The following PTGDS variants were observed in gnomAD, a reference collection of about 807,000 sequenced individuals.
The protein encoded by PTGDS is prostaglandin D2 synthase, also known as prostaglandin-H2 D-isomerase.
PTGDS carries 21 observed loss-of-function variants against 28.4 expected under a neutral mutation model. The ratio of observed to expected loss-of-function variants is 0.74; its 90% CI spans 0.52 to 1.07. The LOEUF is 1.07. Among genes scored for constraint, PTGDS ranks in the 50% least tolerant of loss-of-function variants. PTGDS has a pLI of 0.00. For synonymous variants in PTGDS, 102 were observed against 106.0 expected, an observed-to-expected ratio of 0.96 and a Z score of 0.23; for missense variants, 243 against 247.7, an observed-to-expected ratio of 0.98 and a Z score of 0.13.
chr9:136,978,932 A>G, intron 1 of PTGDS, 61 bp from the exon 2 acceptor site: 1 of 1,583,812 alleles, frequency 6.3e-7, no homozygotes, highest in Non-Finnish European at 8.5e-7. Flanking sequence ...GCGCCCCCGC[A>G]GGTAGGCGCA....
chr9:136,979,861 A>C, intron 3 of PTGDS, 85 bp from the exon 4 acceptor site: 1 of 1,320,014 alleles, frequency 7.6e-7, no homozygotes. Flanking sequence ...AGTGCCCCCA[A>C]AGCCCACAGG....
At chr9:136,978,426 A>G (rs1262439537) in intron 1 of PTGDS, among the ~76,000 whole-genome samples, 6 of 121,122 alleles carry the variant, frequency 5.0e-5, no homozygotes, top group Non-Finnish European at 1.0e-4. Context: ...GGGCGTGGCC[A>G]GCTTCTGGGG....
rs1329052658 is a variant in PTGDS at position 136,979,355 on chromosome 9, GA to G, written c.331+57del. On this transcript the variant is annotated intron_variant, in intron 3 of 6. Transcript: ENST00000371625. The stretch of plus-strand genomic sequence containing the variant: ...CCAGCCTGGGGGCGACACTTGCCGG[GA>G]CGACTCTGGGCCAGCCCCCTGCCGC... 11 of 1,586,408 alleles carry G rather than the reference GA, an allele frequency of 6.9e-6. No homozygotes were observed. In the Admixed American group the frequency reaches 1.9e-4, roughly 28 times the overall value.
rs1400350554 is a variant in PTGDS at position 136,977,689 on chromosome 9, C to T, written c.111C>T (p.Asp37=). Residue 37 remains aspartate (D), a synonymous_variant, in exon 1 of 7, where the codon GAC becomes GAT. Coordinates refer to ENST00000371625, the MANE Select transcript of PTGDS (RefSeq NM_000954.6). ...CCGTGCAGCCCAACTTCCAGCAGGA[C>T]AAGGTGAGGGGCTTTCCTGCGTCAT... The part of the protein sequence containing the change: ...QVSVQPNFQQ[D]KFLGRWFSAG... 2 of 1,594,364 alleles carry T rather than the reference C, an allele frequency of 1.3e-6. No homozygotes were observed. The highest frequency in any genetic ancestry group is 1.7e-4 in the Middle Eastern group (1 of 6,008).
At chr9:136,978,592 T>C (rs1588486384) in intron 1 of PTGDS, among the ~76,000 whole-genome samples, 1 of 66,358 alleles carries the variant, frequency 1.5e-5, no homozygotes, top group Non-Finnish European at 2.9e-5. Flanking sequence ...AGGGGCGGGG[T>C]CAGCTCCTAG....
Position 136,977,631 on chromosome 9 carries a change from G to A in PTGDS, c.53G>A (p.Gly18Asp). The A allele has an allele frequency of 6.2e-7, 1 of 1,609,864 alleles. No homozygotes were observed. Among genetic ancestry groups the A allele is most frequent in the Non-Finnish European group, 8.5e-7 (1 of 1,178,790 alleles). Residue 18 changes from glycine (G) to aspartate (D), a missense_variant, in exon 1 of 7, where the codon GGC becomes GAC. By Grantham distance (94) the Gly-to-Asp change is moderately conservative (BLOSUM62 -1). Transcript: ENST00000371625. ...GGACTGGCCCTGCTGGGGGTGCTGG[G>A]CGACCTGCAGGCAGCACCGGAGGCC... ...WMGLALLGVL[G>D]DLQAAPEAQV...
rs750503509 is a variant in PTGDS at position 136,977,649 on chromosome 9, C to G, written c.71C>G (p.Pro24Arg). 2 of 1,607,628 alleles carry G rather than the reference C, an allele frequency of 1.2e-6. No homozygotes were observed. The highest frequency in any genetic ancestry group is 1.7e-6 in the Non-Finnish European group (2 of 1,178,114). ...GTGCTGGGCGACCTGCAGGCAGCAC[C>G]GGAGGCCCAGGTCTCCGTGCAGCCC... is the stretch of plus-strand genomic sequence containing the variant. Reference protein sequence around the residue: ...LGVLGDLQAAPEAQVSVQPNF... With the variant: ...LGVLGDLQAAREAQVSVQPNF... Residue 24 changes from proline (P) to arginine (R), a missense_variant, in exon 1 of 7, where the codon CCG (proline) becomes CGG (arginine). Transcript: ENST00000371625.
rs2131397882 is a variant in PTGDS, at chr9:136,980,163, C to G, written c.449-20C>G. The G allele has an allele frequency of 1.2e-6, 2 of 1,613,076 alleles. No homozygotes were observed. Among genetic ancestry groups the G allele is most frequent in the Non-Finnish European group, 1.7e-6 (2 of 1,179,588 alleles). On this transcript the variant is annotated intron_variant, in intron 4 of 6. Transcript: ENST00000371625. ...AGCATCCCCCCCGCTGAGGCCAGCT[C>G]CGTCTCCACCCTGTCCCAGGCCGAA...
intron 1 of PTGDS, among the ~76,000 whole-genome samples, chr9:136,977,922 G>A (rs1440549155): frequency 2.0e-5 from 3 of 152,152 alleles, no homozygotes; most frequent in African/African-American, 7.2e-5. Flanking sequence ...GATGGGCCAC[G>A]CAGACACCGG....
intron 6 of PTGDS, among the ~76,000 whole-genome samples, 192 bp from the exon 7 acceptor site, chr9:136,981,387 G>T (rs1433500820): frequency 6.6e-6 from 1 of 152,110 alleles, no homozygotes; most frequent in Non-Finnish European, 1.5e-5. Flanking sequence ...GGGCTGGGAA[G>T]GGTGGAGTCT....
chr9:136,980,785 G>C (rs1830438942), intron 5 of PTGDS, 48 bp from the exon 6 acceptor site: 1 of 1,613,854 alleles, frequency 6.2e-7, no homozygotes, highest in Non-Finnish European at 8.5e-7. Context: ...GGGAAAATTG[G>C]CCTAAGTCTG....
chr9:136,977,614 C>T lies in PTGDS; in HGVS notation c.36C>T (p.Ala12=), dbSNP rs760383919. The T allele has an allele frequency of 2.8e-5, 45 of 1,609,406 alleles. No homozygotes were observed. Among genetic ancestry groups the T allele is most frequent in the Non-Finnish European group, 8.5e-7 (1 of 1,178,668 alleles). The change falls in exon 1 of 7, where the codon GCC becomes GCT. Residue 12 remains alanine, a synonymous_variant. Transcript: ENST00000371625. ...ATCACACACTGTGGATGGGACTGGC[C>T]CTGCTGGGGGTGCTGGGCGACCTGC... The part of the protein sequence containing the change: ...ATHHTLWMGL[A]LLGVLGDLQA...
chr9:136,978,907 G>T, intron 1 of PTGDS, 86 bp from the exon 2 acceptor site: 3 of 1,550,264 alleles, frequency 1.9e-6, no homozygotes, highest in Non-Finnish European at 2.6e-6. Flanking sequence ...GAGACCGGAG[G>T]AGTAGACGGC....
intron 6 of PTGDS, 64 bp from the exon 7 acceptor site, chr9:136,981,515 G>A (rs1373432263): frequency 1.3e-5 from 2 of 152,608 alleles, no homozygotes; most frequent in Non-Finnish European, 2.9e-5. Context: ...TCCATCGACT[G>A]GAGTGGAGGT....
chr9:136,979,511 C>G lies in PTGDS; in HGVS notation c.331+212C>G, dbSNP rs986519076. 3 of 1,439,046 alleles carry G rather than the reference C, an allele frequency of 2.1e-6. No individual in the cohort carries two copies. In the African/African-American group the frequency reaches 4.3e-5, roughly 21 times the overall value. The allele number at this position is 1,439,046 out of a possible 1,614,324, so 89.1% of individuals were successfully genotyped here. A position where few individuals can be genotyped will look rare whatever the true frequency, so the allele number is the denominator to read the frequency against. On this transcript the variant is annotated intron_variant, in intron 3 of 6. Coordinates refer to ENST00000371625, the MANE Select transcript of PTGDS (RefSeq NM_000954.6). ...CTTCCTCCAGGGGGTTGGATCCTCT[C>G]TGGAGCCCACCATTGTCTTGTCAGG...
chr9:136,981,015 C>A, intron 6 of PTGDS, 160 bp downstream of exon 6: 1 of 1,066,514 alleles, frequency 9.4e-7, no homozygotes, highest in Non-Finnish European at 1.3e-6. Context: ...GGGCGGGAGA[C>A]ACTGGGGCTG....
chr9:136,977,821 A>C, intron 1 of PTGDS, 129 bp downstream of exon 1: 1 of 893,732 alleles, frequency 1.1e-6, no homozygotes, highest in South Asian at 1.7e-5. Context: ...CCGGCCAGGG[A>C]CTGAGCGGGC....
intron 5 of PTGDS, chr9:136,980,530 T>C: frequency 1.0e-6 from 1 of 969,980 alleles, no homozygotes; most frequent in Non-Finnish European, 1.5e-6. Context: ...GCTCCCAGGA[T>C]GTGGGGCTTC....
rs145567521 is a variant in PTGDS, at chr9:136,980,719, G to A, written c.551-114G>A. On this transcript the variant is annotated intron_variant, in intron 5 of 6. Coordinates refer to ENST00000371625, the MANE Select transcript of PTGDS (RefSeq NM_000954.6). Reference sequence around the variant, plus strand: ...TGGGAGGTGATGGGGGATCTGTGCAGTTTGGGGGCTCAGTCAAGACGAGCT... The same window carrying A: ...TGGGAGGTGATGGGGGATCTGTGCAATTTGGGGGCTCAGTCAAGACGAGCT... The A allele has an allele frequency of 4.8e-4, 774 of 1,612,134 alleles. 10 individuals are homozygous for A. In the East Asian group the frequency reaches 0.016, roughly 33 times the overall value.
Sources: allele counts gnomAD v4.1 joint callset (sites outside exome capture counted in the v4.1 genomes callset), GRCh38; gene constraint gnomAD v4.1.1; transcripts MANE v1.5; gene names NCBI Gene and HGNC (gene_info 2026-07-23, HGNC 2026-07-21).